Variants in OSBPL10 observed in about 807,000 individuals in gnomAD.
The protein encoded by OSBPL10 is oxysterol binding protein like 10, also known as oxysterol-binding protein-related protein 10.
Under a neutral mutation model 81.7 loss-of-function variants are expected in OSBPL10, and 49 were observed. That is an observed-to-expected ratio of 0.60 (90% CI 0.48 to 0.76). The LOEUF is 0.76. Ranked by LOEUF, OSBPL10 falls within the 30% of genes least tolerant of loss-of-function variation. The pLI is 0.00. For missense variants in OSBPL10, 923 were observed against 987.8 expected (o/e 0.93, Z 0.88); for synonymous variants, 419 against 383.6 (o/e 1.09, Z -1.08).
In OSBPL10 at chr3:31,786,841, G is replaced by C. The variant is rs913202535; in HGVS notation, c.730-38721C>G. Among the ~76,000 whole-genome samples, 8 of 152,236 alleles carry C rather than the reference G, an allele frequency of 5.3e-5. No homozygotes were observed. In the East Asian group the frequency reaches 1.5e-3, roughly 29 times the overall value. ...TTCTCAGGTAACTCTCAGTTACTACGAGCTAGACTTTTGTAGATATGAGCA... is the reference window on the plus strand; with the variant it reads ...TTCTCAGGTAACTCTCAGTTACTACCAGCTAGACTTTTGTAGATATGAGCA... On this transcript the variant is annotated intron_variant, in intron 4 of 11. Transcript: ENST00000396556.
At chr3:31,909,240 T>C (rs1696504956) in intron 1 of OSBPL10, among the ~76,000 whole-genome samples, 1 of 152,242 alleles carries the variant, frequency 6.6e-6, no homozygotes, top group African/African-American at 2.4e-5. Flanking sequence ...TCCTTTCTAC[T>C]GGAACTGTTA....
intron 3 of OSBPL10, among the ~76,000 whole-genome samples, chr3:31,867,668 G>A (rs1460051172): frequency 6.6e-6 from 1 of 151,966 alleles, no homozygotes; most frequent in African/African-American, 2.4e-5. Context: ...GCTTGAACCT[G>A]GGAGGCGGAG....
intron 4 of OSBPL10, among the ~76,000 whole-genome samples, chr3:31,771,982 A>G (rs991427583): frequency 1.6e-4 from 25 of 152,350 alleles, no homozygotes; most frequent in Non-Finnish European, 3.2e-4. Flanking sequence ...AAGAAACAAT[A>G]GATTCAGTGT....
intron 4 of OSBPL10, among the ~76,000 whole-genome samples, chr3:31,774,904 T>C (rs139202827): frequency 0.013 from 1,963 of 148,290 alleles, 43 homozygotes; most frequent in African/African-American, 0.045. Context: ...TGGTGGCTCA[T>C]GCCTGTAATC....
chr3:32,006,572 A>C (rs1448969355), intron 2 of OSBPL10, among the ~76,000 whole-genome samples: 1 of 152,104 alleles, frequency 6.6e-6, no homozygotes, highest in Non-Finnish European at 1.5e-5. Flanking sequence ...TTCTTTTTTT[A>C]ACTTTATAGT....
intron 2 of OSBPL10, among the ~76,000 whole-genome samples, chr3:32,033,587 CTG>C (rs1174470899): frequency 6.6e-6 from 1 of 152,134 alleles, no homozygotes; most frequent in Non-Finnish European, 1.5e-5. Context: ...CTTCCCTAGA[CTG>C]TGTAAAAAAG....
chr3:32,040,113 A>G (rs747368296), intron 2 of OSBPL10, among the ~76,000 whole-genome samples: 5 of 152,184 alleles, frequency 3.3e-5, no homozygotes, highest in Non-Finnish European at 7.3e-5. Context: ...TACTCAGAGA[A>G]TTGAAAACAG....
chr3:32,068,911 C>T (rs1479919581), intron 1 of OSBPL10, among the ~76,000 whole-genome samples: 2 of 152,010 alleles, frequency 1.3e-5, no homozygotes, highest in Non-Finnish European at 2.9e-5. Context: ...GGTCGCTCCC[C>T]GTCAGGCTGA....
At chr3:32,026,046 A>AGAT (rs1553649776) in intron 2 of OSBPL10, among the ~76,000 whole-genome samples, 91 of 120,550 alleles carry the variant, frequency 7.5e-4, no homozygotes, top group Non-Finnish European at 1.3e-3. Context: ...ATAGATAGAT[A>AGAT]GATAGATAGA....
chr3:31,666,275 C>A (rs1015706647), intron 10 of OSBPL10, among the ~76,000 whole-genome samples: 1 of 152,144 alleles, frequency 6.6e-6, no homozygotes, highest in African/African-American at 2.4e-5. Context: ...AAGCTCTGGG[C>A]CTTGTGAGCA....
chr3:31,742,951 A>G (rs2125687088), intron 5 of OSBPL10, among the ~76,000 whole-genome samples: 1 of 152,026 alleles, frequency 6.6e-6, no homozygotes, highest in South Asian at 2.1e-4. Context: ...GCCTCCATCA[A>G]GCTGCTGAAG....
chr3:31,818,252 A>G (rs1169873474), intron 4 of OSBPL10, among the ~76,000 whole-genome samples: 3 of 152,094 alleles, frequency 2.0e-5, no homozygotes, highest in Admixed American at 6.5e-5. Context: ...GAAGGCCTCA[A>G]TGGAACAAAA....
chr3:31,743,850 T>C (rs1697434696), intron 5 of OSBPL10, among the ~76,000 whole-genome samples: 1 of 152,182 alleles, frequency 6.6e-6, no homozygotes, highest in African/African-American at 2.4e-5. Flanking sequence ...TTCTTAGACA[T>C]AACCATTATA....
intron 6 of OSBPL10, chr3:31,704,114 G>C (rs1002520820): frequency 6.6e-6 from 1 of 152,428 alleles, no homozygotes; most frequent in Non-Finnish European, 1.5e-5. Flanking sequence ...GCTGCTGCGT[G>C]ACTGCTCCTG....
intron 3 of OSBPL10, among the ~76,000 whole-genome samples, chr3:31,865,700 A>G (rs1484352232): frequency 6.6e-6 from 1 of 152,144 alleles, no homozygotes; most frequent in Non-Finnish European, 1.5e-5. Context: ...GTTACTTCTG[A>G]ATTATTTCAA....
intron 4 of OSBPL10, among the ~76,000 whole-genome samples, chr3:31,752,712 C>T (rs577760346): frequency 3.3e-5 from 5 of 152,292 alleles, no homozygotes; most frequent in African/African-American, 9.6e-5. Flanking sequence ...GCAAGGGCTG[C>T]GGGAGACAGC....
chr3:31,931,948 G>A (rs1414079442), intron 1 of OSBPL10, among the ~76,000 whole-genome samples: 2 of 152,036 alleles, frequency 1.3e-5, no homozygotes, highest in Non-Finnish European at 2.9e-5. Flanking sequence ...AGGCTGAAGT[G>A]AGAGGATCAC....
chr3:31,676,943 G>A (rs938873783), intron 8 of OSBPL10, among the ~76,000 whole-genome samples: 1 of 152,136 alleles, frequency 6.6e-6, no homozygotes, highest in Non-Finnish European at 1.5e-5. Context: ...GCAGTCTCTG[G>A]GGTCAACGTG....
rs560106046 is a variant in OSBPL10, at chr3:32,020,662, A to G, written n.298+25829T>C. On this transcript the variant is annotated intron_variant and non_coding_transcript_variant, in intron 2 of 3. Coordinates refer to the OSBPL10 transcript ENST00000479173. ...GCTGAGCAATTAAGGAGATGATTTCATTCAAGCTTTTATAATAGGCAAAAT... is the reference window on the plus strand; with the variant it reads ...GCTGAGCAATTAAGGAGATGATTTCGTTCAAGCTTTTATAATAGGCAAAAT... Among the ~76,000 whole-genome samples the G allele has an allele frequency of 9.2e-5, 14 of 152,282 alleles. No homozygotes were observed. The South Asian group carries it at 2.9e-3, about 32-fold the overall frequency.
Sources: allele counts gnomAD v4.1 joint callset (sites outside exome capture counted in the v4.1 genomes callset), GRCh38; gene constraint gnomAD v4.1.1; transcripts MANE v1.5; gene names NCBI Gene and HGNC (gene_info 2026-07-23, HGNC 2026-07-21).